The following KIF26B variants were observed in gnomAD, a reference collection of about 807,000 sequenced individuals.
KIF26B encodes the protein kinesin-like protein KIF26B.
Under a neutral mutation model 151.2 loss-of-function variants are expected in KIF26B, and 63 were observed. The ratio of observed to expected loss-of-function variants is 0.42; its 90% CI spans 0.34 to 0.51. The LOEUF is 0.51. Among genes scored for constraint, KIF26B ranks in the 20% least tolerant of loss-of-function variants. KIF26B has a pLI of 0.07. For missense variants in KIF26B, 2,813 were observed against 2,913.6 expected (o/e 0.97, Z 0.79); for synonymous variants, 1,357 against 1,262.1 (o/e 1.08, Z -1.59).
intron 3 of KIF26B, among the ~76,000 whole-genome samples, chr1:245,413,180 C>T (rs972969167): frequency 6.6e-6 from 1 of 152,192 alleles, no homozygotes; most frequent in Non-Finnish European, 1.5e-5. Flanking sequence ...TGCTTTTAGA[C>T]GGTGACAGTG....
chr1:245,359,520 G>T (rs1672769133), intron 2 of KIF26B, among the ~76,000 whole-genome samples: 1 of 152,202 alleles, frequency 6.6e-6, no homozygotes, highest in South Asian at 2.1e-4. Context: ...CCATGGAAAT[G>T]AACGCCTCTT....
Position 245,178,979 on chromosome 1 carries a change from T to TG in KIF26B, c.465+22296_465+22297insG, listed in dbSNP as rs1019274548. 2.6e-4 allele frequency among the ~76,000 whole-genome samples: 40 copies of TG among 152,106 alleles called. No individual in the cohort carries two copies. In the Middle Eastern group the frequency reaches 0.017, roughly 65 times the overall value. On this transcript the variant is annotated intron_variant, in intron 2 of 14. Coordinates refer to ENST00000407071, the MANE Select transcript of KIF26B (RefSeq NM_018012.4). ...GGAACAATTCTTAACCATGTTTTTT[T>TG]TTTTTAAATAATTACTGACATTTGT...
chr1:245,611,458 G>C (rs2043520309), intron 8 of KIF26B, among the ~76,000 whole-genome samples: 1 of 152,186 alleles, frequency 6.6e-6, no homozygotes, highest in Admixed American at 6.5e-5. Flanking sequence ...AGCCAGGGGT[G>C]TTGGTTTGCC....
At chr1:245,493,486 G>A (rs1323626809) in intron 4 of KIF26B, among the ~76,000 whole-genome samples, 1 of 152,194 alleles carries the variant, frequency 6.6e-6, no homozygotes, top group African/African-American at 2.4e-5. Context: ...GTTAAACTCT[G>A]CCGTTGACCA....
intron 2 of KIF26B, among the ~76,000 whole-genome samples, chr1:245,214,536 G>A (rs1022680154): frequency 5.9e-5 from 9 of 152,174 alleles, no homozygotes; most frequent in African/African-American, 9.7e-5. Flanking sequence ...TTGAGCGGGC[G>A]TCCAGTGCAG....
chr1:245,273,484 T>C (rs1461523879), intron 2 of KIF26B, among the ~76,000 whole-genome samples: 1 of 152,044 alleles, frequency 6.6e-6, no homozygotes, highest in East Asian at 1.9e-4. Flanking sequence ...CCTACTATTG[T>C]TGTGTTGCTT....
chr1:245,345,302 C>T (rs971434616), intron 2 of KIF26B, among the ~76,000 whole-genome samples: 1 of 152,212 alleles, frequency 6.6e-6, no homozygotes, highest in African/African-American at 2.4e-5. Flanking sequence ...CATCCCCTCC[C>T]TCCTTCTGCG....
chr1:245,484,746 CTCTTCTTCT>C (rs150455383), intron 4 of KIF26B, among the ~76,000 whole-genome samples: 2 of 145,476 alleles, frequency 1.4e-5, no homozygotes, highest in African/African-American at 5.1e-5. Context: ...TCTCCTCTTC[CTCTTCTTCT>C]TCTTCTTCTT....
chr1:245,254,435 G>C (rs763268698), intron 2 of KIF26B, among the ~76,000 whole-genome samples: 3 of 152,102 alleles, frequency 2.0e-5, no homozygotes, highest in Non-Finnish European at 4.4e-5. Flanking sequence ...TAACAAAGGG[G>C]GTTGGGGGAG....
intron 4 of KIF26B, among the ~76,000 whole-genome samples, chr1:245,481,905 AC>A (rs1362180708): frequency 1.3e-5 from 2 of 151,698 alleles, no homozygotes; most frequent in Admixed American, 1.3e-4. Context: ...CACTGGTAGC[AC>A]AGCAGCGTCT....
At position 245,518,517 on chromosome 1, in the gene KIF26B, G is replaced by A. The variant is rs181720223; in HGVS notation, c.1167-22250G>A. Among the ~76,000 whole-genome samples the A allele has an allele frequency of 4.6e-5, 7 of 152,306 alleles. No homozygotes were observed. In the East Asian group the frequency reaches 1.3e-3, roughly 29 times the overall value. ...CTTGATTTCACTTGAAAAGTCCTAA[G>A]TCGTCCCTTGGAAACTATCTATAGT... is the stretch of plus-strand genomic sequence containing the variant. On this transcript the variant is annotated intron_variant, in intron 4 of 14. Coordinates refer to ENST00000407071, the MANE Select transcript of KIF26B (RefSeq NM_018012.4).
In KIF26B at chr1:245,200,764, A is replaced by T. The variant is rs752151259; in HGVS notation, c.465+44081A>T. Among the ~76,000 whole-genome samples, 38 of 152,316 alleles carry T rather than the reference A, an allele frequency of 2.5e-4. No homozygotes were observed. The Middle Eastern group carries it at 0.01, about 41-fold the overall frequency. ...AACGCAGCTTTAATCCAAAGGATGG[A>T]CTATCTAATTGTTGAATTTCAAATA... On this transcript the variant is annotated intron_variant, in intron 2 of 14. Coordinates refer to ENST00000407071, the MANE Select transcript of KIF26B (RefSeq NM_018012.4).
At chr1:245,633,112 T>A (rs2043798754) in intron 9 of KIF26B, among the ~76,000 whole-genome samples, 2 of 151,940 alleles carry the variant, frequency 1.3e-5, no homozygotes, top group Admixed American at 6.6e-5. Flanking sequence ...TATTTGTCAC[T>A]TTTTATGTTT....
chr1:245,383,813 T>C (rs1446660532), intron 3 of KIF26B, among the ~76,000 whole-genome samples: 2 of 152,190 alleles, frequency 1.3e-5, no homozygotes, highest in African/African-American at 4.8e-5. Context: ...TGTCCACTAA[T>C]AAGTGTCATT....
At position 245,619,201 on chromosome 1, in the gene KIF26B, G is replaced by A. The variant is rs1251000672; in HGVS notation, c.2098+7225G>A. Among the ~76,000 whole-genome samples the A allele has an allele frequency of 4.0e-5, 6 of 150,978 alleles. 1 individual carries two copies. The highest frequency in any genetic ancestry group is 3.4e-3 in the Middle Eastern group (1 of 290). ...GACAGACTGCCACAGTGCTGGGGCT[G>A]TGTCTGCTGCGTGCTGTTGGTGAGC... On this transcript the variant is annotated intron_variant, in intron 9 of 14. Coordinates refer to ENST00000407071, the MANE Select transcript of KIF26B (RefSeq NM_018012.4).
intron 5 of KIF26B, among the ~76,000 whole-genome samples, chr1:245,587,833 A>T (rs2043244005): frequency 6.6e-6 from 1 of 152,318 alleles, no homozygotes; most frequent in Non-Finnish European, 1.5e-5. Flanking sequence ...CTGATTCCGT[A>T]TGAAGAGAAA....
chr1:245,319,753 AATCTCTG>A (rs1671847743), intron 2 of KIF26B, among the ~76,000 whole-genome samples: 1 of 152,154 alleles, frequency 6.6e-6, no homozygotes, highest in African/African-American at 2.4e-5. Context: ...CTACTTATGA[AATCTCTG>A]GTCTCTTTCT....
intron 9 of KIF26B, among the ~76,000 whole-genome samples, chr1:245,621,388 A>G (rs1165748457): frequency 2.0e-5 from 3 of 152,212 alleles, no homozygotes; most frequent in Admixed American, 6.5e-5. Context: ...TATAGGAATT[A>G]AGTGATATTA....
intron 4 of KIF26B, among the ~76,000 whole-genome samples, chr1:245,452,578 T>G (rs191118420): frequency 1.3e-5 from 2 of 152,310 alleles, no homozygotes; most frequent in Non-Finnish European, 2.9e-5. Flanking sequence ...TTCCAGTTTC[T>G]TCACATTCTC....
Sources: gnomAD v4.1 joint callset for allele counts (sites outside exome capture counted in the v4.1 genomes callset) on GRCh38, gnomAD v4.1.1 for gene constraint, MANE v1.5 for transcripts, NCBI Gene and HGNC (gene_info 2026-07-23, HGNC 2026-07-21) for gene names.